The following PPP6C variants were observed in gnomAD, a reference collection of about 807,000 sequenced individuals.
The protein encoded by PPP6C is serine/threonine-protein phosphatase 6 catalytic subunit.
Under a neutral mutation model 39.8 loss-of-function variants are expected in PPP6C, and 11 were observed. That is an observed-to-expected ratio of 0.28 (90% confidence interval 0.17 to 0.46). PPP6C has a LOEUF of 0.46. Among genes scored for constraint, PPP6C ranks in the 20% least tolerant of loss-of-function variants. The probability of loss-of-function intolerance (pLI) is 1.00; values close to 1 mark genes in which losing one functional copy is unlikely to be tolerated. For missense variants in PPP6C, 211 were observed against 373.9 expected, an observed-to-expected ratio of 0.56 and a Z score of 3.59; for synonymous variants, 129 against 130.3, an observed-to-expected ratio of 0.99 and a Z score of 0.07.
intron 2 of PPP6C, among the ~76,000 whole-genome samples, chr9:125,163,437 T>C (rs1205091338): frequency 2.0e-5 from 3 of 152,066 alleles, no homozygotes; most frequent in Non-Finnish European, 4.4e-5. Flanking sequence ...TTTTTTGTTT[T>C]GTTTTGTTTT....
chr9:125,159,545 T>C (rs1239858352), intron 3 of PPP6C, among the ~76,000 whole-genome samples: 1 of 152,148 alleles, frequency 6.6e-6, no homozygotes, highest in African/African-American at 2.4e-5. Flanking sequence ...TTAACTGTAT[T>C]GGAAGAGTTG....
In PPP6C at chr9:125,179,222, A is replaced by AAAAAAAAAAAAC. The variant is rs1829372619; in HGVS notation, c.76-8043_76-8042insGTTTTTTTTTTT. Among the ~76,000 whole-genome samples, 3 of 152,008 alleles carry AAAAAAAAAAAAC rather than the reference A, an allele frequency of 2.0e-5. 1 individual carries two copies. The highest frequency in any genetic ancestry group is 7.2e-5 in the African/African-American group (3 of 41,394). On this transcript the variant is annotated intron_variant, in intron 1 of 6. Transcript: ENST00000373547. ...AAGAGCGAAACTCCATCTCAAAAAA[A>AAAAAAAAAAAAC]AAAGAATTATCTGCATATTTTGGAT...
intron 2 of PPP6C, among the ~76,000 whole-genome samples, chr9:125,168,660 T>A (rs1342626895): frequency 1.3e-5 from 2 of 151,596 alleles, no homozygotes; most frequent in African/African-American, 4.9e-5. Context: ...GGTTTCACCA[T>A]ATTTGCCAGG....
chr9:125,175,429 G>A (rs1829275744), intron 1 of PPP6C, among the ~76,000 whole-genome samples: 1 of 151,812 alleles, frequency 6.6e-6, no homozygotes, highest in Non-Finnish European at 1.5e-5. Flanking sequence ...ACGAGGTCAG[G>A]AGATCGAGAC....
chr9:125,167,417 G>A (rs1323363785), intron 2 of PPP6C, among the ~76,000 whole-genome samples: 11 of 144,158 alleles, frequency 7.6e-5, no homozygotes, highest in African/African-American at 1.1e-4. Context: ...AAAAAAGGCC[G>A]GGCATGGTGA....
intron 6 of PPP6C, among the ~76,000 whole-genome samples, chr9:125,152,675 A>G (rs1835978383): frequency 6.6e-6 from 1 of 151,978 alleles, no homozygotes; most frequent in South Asian, 2.1e-4. Flanking sequence ...TACTAAAAAT[A>G]CAAAATTAGC....
At chr9:125,189,012 T>A in intron 1 of PPP6C, 1 of 1,232,156 alleles carries the variant, frequency 8.1e-7, no homozygotes, top group Non-Finnish European at 1.2e-6. Context: ...CTTTATCCAC[T>A]TCAGTAAGCT....
intron 1 of PPP6C, among the ~76,000 whole-genome samples, chr9:125,175,621 C>T (rs1408819121): frequency 7.0e-6 from 1 of 142,340 alleles, no homozygotes; most frequent in African/African-American, 2.6e-5. Context: ...CCAGCCTGGT[C>T]GACACAGCGA....
At chr9:125,189,481 G>T (rs1177629148) in intron 1 of PPP6C, 163 bp downstream of exon 1, 37 of 1,447,270 alleles carry the variant, frequency 2.6e-5, no homozygotes, top group Non-Finnish European at 3.4e-5. Context: ...GACTCGGCTC[G>T]CGAGACCCTC....
At chr9:125,171,555 TTTG>T (rs1341069959) in intron 1 of PPP6C, among the ~76,000 whole-genome samples, 1 of 145,850 alleles carries the variant, frequency 6.9e-6, no homozygotes, top group Non-Finnish European at 1.5e-5. Context: ...TTTGGGTTTT[TTTG>T]TTTTTTTTTT....
At chr9:125,176,295 T>C (rs117508195) in intron 1 of PPP6C, among the ~76,000 whole-genome samples, 3,992 of 152,252 alleles carry the variant, frequency 0.026, 147 homozygotes, top group Non-Finnish European at 0.029. Flanking sequence ...GGGCTTCTAC[T>C]GAGTGTAACG....
intron 1 of PPP6C, chr9:125,188,858 C>T (rs1829594868): frequency 8.8e-7 from 1 of 1,135,838 alleles, no homozygotes; most frequent in Admixed American, 2.5e-5. Context: ...ATACCAAAGT[C>T]ATTCCTTTAC....
intron 6 of PPP6C, 143 bp downstream of exon 6, chr9:125,153,390 A>T: frequency 1.3e-6 from 1 of 748,960 alleles, no homozygotes; most frequent in Non-Finnish European, 2.2e-6. Context: ...GACATACGTT[A>T]ATAACTAAAC....
Position 125,153,981 on chromosome 9 carries a change from C to T in PPP6C, c.384G>A (p.Glu128=), listed in dbSNP as rs754436784. The T allele has an allele frequency of 1.9e-6, 3 of 1,604,382 alleles. No homozygotes were observed. The highest frequency in any genetic ancestry group is 2.6e-6 in the Non-Finnish European group (3 of 1,171,712). ...TAGCATTTCCATATTTGGTTTGGCA[C>T]TCATCTGTGAAAGAAACAGAAGGGT... The part of the protein sequence containing the change: ...QITQVYGFYD[E]CQTKYGNANA... Residue 128 remains glutamate (E), a synonymous_variant, in exon 5 of 7, where the codon GAG becomes GAA. Coordinates refer to ENST00000373547, the MANE Select transcript of PPP6C (RefSeq NM_002721.5).
chr9:125,163,491 T>A (rs1588281033), intron 2 of PPP6C, among the ~76,000 whole-genome samples: 1 of 152,332 alleles, frequency 6.6e-6, no homozygotes, highest in Admixed American at 6.5e-5. Context: ...AATGCAATGG[T>A]GCGATCTCGG....
chr9:125,166,469 G>C (rs1172628582), intron 2 of PPP6C, among the ~76,000 whole-genome samples: 1 of 151,526 alleles, frequency 6.6e-6, no homozygotes, highest in Non-Finnish European at 1.5e-5. Flanking sequence ...AGTAAAAATA[G>C]TGTTCCATAA....
intron 2 of PPP6C, among the ~76,000 whole-genome samples, chr9:125,170,349 G>T (rs1388471518): frequency 6.6e-6 from 1 of 151,728 alleles, no homozygotes; most frequent in Non-Finnish European, 1.5e-5. Flanking sequence ...AGATTCTCCT[G>T]CCTCAGCCTC....
At chr9:125,154,107 G>T (rs143489977) in intron 4 of PPP6C, 122 bp from the exon 5 acceptor site, 557 of 738,174 alleles carry the variant, frequency 7.5e-4, no homozygotes, top group Middle Eastern at 2.9e-3. Flanking sequence ...AGCAAGATAT[G>T]ACACATATTT....
At chr9:125,171,225 AAAC>A (rs1324788390) in intron 1 of PPP6C, 45 bp from the exon 2 acceptor site, 3 of 1,413,420 alleles carry the variant, frequency 2.1e-6, no homozygotes, top group Non-Finnish European at 2.9e-6. Flanking sequence ...TACAACATTA[AAAC>A]TAAAGATAAA....
Sources: allele counts gnomAD v4.1 joint callset (sites outside exome capture counted in the v4.1 genomes callset), GRCh38; gene constraint gnomAD v4.1.1; transcripts MANE v1.5; gene names NCBI Gene and HGNC (gene_info 2026-07-23, HGNC 2026-07-21).